Variants in CGGBP1 observed in about 807,000 individuals in gnomAD.
CGGBP1 encodes CGG triplet repeat-binding protein 1.
In CGGBP1, 4 loss-of-function variants were observed where a neutral mutation model predicts 11.4. The ratio of observed to expected loss-of-function variants is 0.35; its 90% CI spans 0.17 to 0.80. The LOEUF (loss-of-function observed/expected upper bound fraction) is 0.80. Among genes scored for constraint, CGGBP1 ranks in the 30% least tolerant of loss-of-function variants. The probability of loss-of-function intolerance (pLI) is 0.52; values close to 1 mark genes in which losing one functional copy is unlikely to be tolerated. For synonymous variants in CGGBP1, 76 were observed against 74.1 expected (o/e 1.03, Z -0.13); for missense variants, 135 against 202.1 (o/e 0.67, Z 2.01).
intron 2 of CGGBP1, chr3:88,129,006 C>T (rs1282144289): frequency 1.2e-5 from 19 of 1,529,788 alleles, no homozygotes; most frequent in Admixed American, 6.0e-5. Context: ...TCAGCTATTC[C>T]GGGAGGTATT....
intron 2 of CGGBP1, among the ~76,000 whole-genome samples, chr3:88,064,872 A>G (rs1272794956): frequency 5.9e-5 from 9 of 152,248 alleles, no homozygotes; most frequent in Non-Finnish European, 1.3e-4. Flanking sequence ...AGTAAATAAT[A>G]ATATGAAAGA....
intron 1 of CGGBP1, chr3:88,143,406 TAAAA>T (rs891868830): frequency 7.2e-5 from 11 of 151,888 alleles, no homozygotes; most frequent in Admixed American, 7.2e-4. Flanking sequence ...TAAGGTCAGC[TAAAA>T]AAAATGTTTC....
At chr3:88,069,381 C>T (rs576541010) in intron 2 of CGGBP1, among the ~76,000 whole-genome samples, 2 of 152,148 alleles carry the variant, frequency 1.3e-5, no homozygotes, top group South Asian at 2.1e-4. Context: ...TAGATGGCGC[C>T]GCTGCACTTC....
At chr3:88,149,847 C>T (rs1424258053) in exon 1 of CGGBP1, 11 of 599,650 alleles carry the variant, frequency 1.8e-5, no homozygotes, top group Admixed American at 9.0e-5. Flanking sequence ...GACTTCACTC[C>T]GTCCCCAGCC....
intron 1 of CGGBP1, among the ~76,000 whole-genome samples, chr3:88,147,455 G>A (rs1426655868): frequency 2.6e-5 from 4 of 152,110 alleles, no homozygotes; most frequent in Non-Finnish European, 5.9e-5. Flanking sequence ...AGATGATAAG[G>A]GAACCACTGA....
At chr3:88,088,461 T>C (rs1041437288) in intron 2 of CGGBP1, among the ~76,000 whole-genome samples, 2 of 152,190 alleles carry the variant, frequency 1.3e-5, no homozygotes, top group African/African-American at 2.4e-5. Context: ...AAAACATCAG[T>C]ATCACGCTGT....
chr3:88,058,897 A>C lies in CGGBP1; in HGVS notation c.-413T>G. Reference sequence around the variant, plus strand: ...AAAAGGAAGAAAGAGGAGCAAGGGAATAAGGGAGGAGGAGGATCCGTCGCT... The same window carrying C: ...AAAAGGAAGAAAGAGGAGCAAGGGACTAAGGGAGGAGGAGGATCCGTCGCT... On this transcript the variant is annotated 5_prime_UTR_variant, in exon 1 of 4. Transcript: ENST00000482016. The C allele has an allele frequency of 1.2e-5, 2 of 171,600 alleles. No homozygotes were observed. The highest frequency in any genetic ancestry group is 2.5e-5 in the Non-Finnish European group (2 of 81,140). The allele number at this position is 171,600 out of a possible 1,614,324, so 10.6% of individuals were successfully genotyped here.
chr3:88,134,009 T>C (rs1559732434), intron 2 of CGGBP1, among the ~76,000 whole-genome samples: 1 of 151,632 alleles, frequency 6.6e-6, no homozygotes, highest in Non-Finnish European at 1.5e-5. Context: ...CAATATAAAT[T>C]GAAACACCCA....
intron 2 of CGGBP1, among the ~76,000 whole-genome samples, chr3:88,096,400 G>C (rs1704061366): frequency 6.6e-6 from 1 of 152,080 alleles, no homozygotes; most frequent in Non-Finnish European, 1.5e-5. Context: ...TATAACTACT[G>C]CTATAGAGGA....
chr3:88,066,020 T>C (rs1423514574), intron 2 of CGGBP1, among the ~76,000 whole-genome samples: 1 of 152,240 alleles, frequency 6.6e-6, no homozygotes, highest in Non-Finnish European at 1.5e-5. Context: ...AGGCATGAGC[T>C]ACCGCGCCTA....
At chr3:88,144,927 C>T (rs1445358854) in intron 1 of CGGBP1, among the ~76,000 whole-genome samples, 3 of 151,896 alleles carry the variant, frequency 2.0e-5, no homozygotes, top group East Asian at 3.9e-4. Context: ...TTACTAAAGT[C>T]ACTTCAGGTA....
intron 2 of CGGBP1, among the ~76,000 whole-genome samples, chr3:88,087,546 G>A (rs1255155501): frequency 6.6e-6 from 1 of 152,162 alleles, no homozygotes; most frequent in Non-Finnish European, 1.5e-5. Context: ...GTGAATGAAC[G>A]ATTTCTACAG....
chr3:88,120,787 T>C (rs1183334645), intron 2 of CGGBP1, among the ~76,000 whole-genome samples: 1 of 130,182 alleles, frequency 7.7e-6, no homozygotes, highest in East Asian at 2.3e-4. Context: ...TGTTTTAAAT[T>C]CAACAGTATA....
chr3:88,107,544 G>A lies in CGGBP1; in HGVS notation c.-229+33426C>T, dbSNP rs553942218. On this transcript the variant is annotated intron_variant, in intron 2 of 3. Transcript: ENST00000462901. The stretch of plus-strand genomic sequence containing the variant: ...ATTTATGGATTTGGATTTTTCGTCA[G>A]TTGCGAAAAATTCTCGTCCAGTTAA... 7.2e-5 allele frequency among the ~76,000 whole-genome samples: 11 copies of A among 152,180 alleles called. No homozygotes were observed. The South Asian group carries it at 2.3e-3, about 32-fold the overall frequency.
chr3:88,117,651 A>G (rs1209307794), intron 2 of CGGBP1, among the ~76,000 whole-genome samples: 1 of 152,228 alleles, frequency 6.6e-6, no homozygotes, highest in Non-Finnish European at 1.5e-5. Flanking sequence ...ATCATGAAGA[A>G]TCCATTAATG....
At chr3:88,130,908 T>C (rs1381917899) in intron 2 of CGGBP1, among the ~76,000 whole-genome samples, 3 of 152,142 alleles carry the variant, frequency 2.0e-5, no homozygotes, top group African/African-American at 7.2e-5. Context: ...TTATTTAAAA[T>C]TATACCATGT....
intron 2 of CGGBP1, among the ~76,000 whole-genome samples, chr3:88,127,557 T>C (rs1314438325): frequency 6.6e-6 from 1 of 151,740 alleles, no homozygotes; most frequent in Non-Finnish European, 1.5e-5. Flanking sequence ...CTAGAGGAAA[T>C]TATGAGGAGA....
At chr3:88,114,242 G>A in intron 2 of CGGBP1, among the ~76,000 whole-genome samples, 1 of 152,118 alleles carries the variant, frequency 6.6e-6, no homozygotes, top group East Asian at 1.9e-4. Flanking sequence ...GATAGTGCTG[G>A]CATGGTGATA....
chr3:88,137,955 C>G (rs1706898168), intron 2 of CGGBP1, among the ~76,000 whole-genome samples: 1 of 151,870 alleles, frequency 6.6e-6, no homozygotes, highest in South Asian at 2.1e-4. Flanking sequence ...TCAAAATAAG[C>G]CTTTAGATTA....
Sources: allele counts gnomAD v4.1 joint callset (sites outside exome capture counted in the v4.1 genomes callset), GRCh38; gene constraint gnomAD v4.1.1; transcripts MANE v1.5; gene names NCBI Gene and HGNC (gene_info 2026-07-23, HGNC 2026-07-21).